TNFRSF11B: variants seen among roughly 807,000 people sequenced by gnomAD.
TNFRSF11B encodes the protein tumor necrosis factor receptor superfamily member 11B.
TNFRSF11B carries 16 observed loss-of-function variants against 43.4 expected under a neutral mutation model. The observed-to-expected ratio is 0.37, with a 90% CI of 0.25 to 0.56. TNFRSF11B has a LOEUF of 0.56. Ranked by LOEUF, TNFRSF11B falls within the 20% of genes least tolerant of loss-of-function variation. TNFRSF11B has a pLI of 0.80. For missense variants in TNFRSF11B, 444 were observed against 490.1 expected (o/e 0.91, Z 0.89); for synonymous variants, 185 against 181.8 (o/e 1.02, Z -0.14).
intron 2 of TNFRSF11B, 139 bp downstream of exon 2, chr8:118,932,790 CAT>C: frequency 3.7e-6 from 4 of 1,069,610 alleles, no homozygotes; most frequent in Non-Finnish European, 5.5e-6. Flanking sequence ...ACTCCAGACA[CAT>C]AGTACCTACC....
At chr8:118,939,096 G>T (rs76516555) in intron 1 of TNFRSF11B, among the ~76,000 whole-genome samples, 1 of 152,082 alleles carries the variant, frequency 6.6e-6, no homozygotes, top group Non-Finnish European at 1.5e-5. Flanking sequence ...TTTACAGTTC[G>T]TCTTAGCCAA....
chr8:118,932,212 C>T (rs882763), intron 2 of TNFRSF11B, among the ~76,000 whole-genome samples: 12,492 of 152,164 alleles, frequency 0.082, 1,734 homozygotes, highest in African/African-American at 0.28. Flanking sequence ...CAGAAAAAAA[C>T]GTGGGTTACT....
At chr8:118,938,549 T>C (rs1485288) in intron 1 of TNFRSF11B, among the ~76,000 whole-genome samples, 38,248 of 152,076 alleles carry the variant, frequency 0.25, 5,342 homozygotes, top group African/African-American at 0.38. Context: ...TACCAAATGC[T>C]TTCCCTTACG....
chr8:118,947,150 G>A (rs3102731), intron 1 of TNFRSF11B, among the ~76,000 whole-genome samples: 14,198 of 152,240 alleles, frequency 0.093, 829 homozygotes, highest in African/African-American at 0.17. Flanking sequence ...TATTGGTCAG[G>A]TGGGTAGGGT....
intron 2 of TNFRSF11B, 103 bp from the exon 3 acceptor site, chr8:118,929,032 G>C: frequency 9.4e-7 from 1 of 1,065,898 alleles, no homozygotes; most frequent in Non-Finnish European, 1.4e-6. Context: ...GGTTTTTACT[G>C]CTACTATTAT....
At chr8:118,932,766 G>A (rs1028851295) in intron 2 of TNFRSF11B, among the ~76,000 whole-genome samples, 165 bp downstream of exon 2, 2 of 151,864 alleles carry the variant, frequency 1.3e-5, no homozygotes, top group African/African-American at 4.8e-5. Flanking sequence ...TCTGAGCAAT[G>A]GTCCTTTGGA....
chr8:118,927,553 T>TA (rs1031968184), intron 3 of TNFRSF11B, among the ~76,000 whole-genome samples: 1 of 149,064 alleles, frequency 6.7e-6, no homozygotes, highest in Non-Finnish European at 1.5e-5. Context: ...CTTCCTTCAT[T>TA]TTTTTTTTTT....
rs1234960394 is a variant in TNFRSF11B, at chr8:118,951,795, G to A, written c.27C>T (p.Leu9=). The A allele has an allele frequency of 2.5e-6, 4 of 1,592,348 alleles. No individual in the cohort carries two copies. Among genetic ancestry groups the A allele is most frequent in the Non-Finnish European group, 3.4e-6 (4 of 1,169,728 alleles). Residue 9 remains leucine (L), a synonymous_variant, in exon 1 of 5, where the codon CTC becomes CTT. Coordinates refer to ENST00000297350, the MANE Select transcript of TNFRSF11B (RefSeq NM_002546.4). MNNLLCCA[L]VFLDISIKWT... ...GTCGGCTGGCCCAGGGACTTACCAC[G>A]AGCGCGCAGCACAGCAAGTTGTTCA...
chr8:118,925,608 G>A (rs1812236216), intron 4 of TNFRSF11B, among the ~76,000 whole-genome samples: 1 of 152,150 alleles, frequency 6.6e-6, no homozygotes, highest in Non-Finnish European at 1.5e-5. Flanking sequence ...CTGTTGCCCC[G>A]GTTTCAGATA....
At chr8:118,926,909 G>A (rs1485730403) in intron 3 of TNFRSF11B, among the ~76,000 whole-genome samples, 191 bp from the exon 4 acceptor site, 1 of 152,188 alleles carries the variant, frequency 6.6e-6, no homozygotes, top group African/African-American at 2.4e-5. Flanking sequence ...GAGCTTACGT[G>A]TCTTCTAATG....
chr8:118,951,144 G>T (rs1361617439), intron 1 of TNFRSF11B, among the ~76,000 whole-genome samples: 1 of 151,986 alleles, frequency 6.6e-6, no homozygotes, highest in African/African-American at 2.4e-5. Context: ...CAATTCTTTA[G>T]ATATGTTTTA....
intron 1 of TNFRSF11B, among the ~76,000 whole-genome samples, chr8:118,939,216 G>T (rs998030106): frequency 6.6e-6 from 1 of 152,090 alleles, no homozygotes; most frequent in Non-Finnish European, 1.5e-5. Flanking sequence ...CAGTTTATTT[G>T]ATTTTTTATT....
chr8:118,937,043 A>G (rs540894055), intron 1 of TNFRSF11B, among the ~76,000 whole-genome samples: 1 of 152,246 alleles, frequency 6.6e-6, no homozygotes, highest in South Asian at 2.1e-4. Context: ...CTCTTTTTTG[A>G]AAGGAAAGTT....
intron 1 of TNFRSF11B, among the ~76,000 whole-genome samples, chr8:118,945,597 A>T (rs1812550237): frequency 1.3e-5 from 2 of 152,172 alleles, no homozygotes; most frequent in Non-Finnish European, 2.9e-5. Flanking sequence ...CTGAATTGTT[A>T]AATTACATTT....
At chr8:118,926,308 A>G (rs4520195) in intron 4 of TNFRSF11B, among the ~76,000 whole-genome samples, 186 bp downstream of exon 4, 9,757 of 152,166 alleles carry the variant, frequency 0.064, 1,063 homozygotes, top group African/African-American at 0.22. Flanking sequence ...TGAGAACAAA[A>G]CCTTGTATAA....
intron 1 of TNFRSF11B, among the ~76,000 whole-genome samples, chr8:118,950,903 G>A (rs539937214): frequency 2.0e-5 from 3 of 152,284 alleles, no homozygotes; most frequent in Admixed American, 2.0e-4. Context: ...AAACACATAT[G>A]TGGCTTAAAT....
intron 4 of TNFRSF11B, among the ~76,000 whole-genome samples, chr8:118,925,516 T>C (rs1417286959): frequency 6.6e-6 from 1 of 152,240 alleles, no homozygotes; most frequent in African/African-American, 2.4e-5. Flanking sequence ...CAAAGAATAC[T>C]TTTGGTTTGC....
chr8:118,931,429 A>G (rs1368450425), intron 2 of TNFRSF11B, among the ~76,000 whole-genome samples: 3 of 152,008 alleles, frequency 2.0e-5, no homozygotes, highest in African/African-American at 7.2e-5. Context: ...GATTTCCATT[A>G]TTTTTCAAAA....
chr8:118,926,931 G>T (rs1812253772), intron 3 of TNFRSF11B, among the ~76,000 whole-genome samples: 2 of 152,146 alleles, frequency 1.3e-5, no homozygotes, highest in South Asian at 4.1e-4. Context: ...TCTTTTTTGG[G>T]CATTGTTTTC....
Sources: gnomAD v4.1 joint callset for allele counts (sites outside exome capture counted in the v4.1 genomes callset) on GRCh38, gnomAD v4.1.1 for gene constraint, MANE v1.5 for transcripts, NCBI Gene and HGNC (gene_info 2026-07-23, HGNC 2026-07-21) for gene names.